The following TMEM120B variants were observed in gnomAD, a reference collection of about 807,000 sequenced individuals.
The protein encoded by TMEM120B is transmembrane protein 120B.
TMEM120B carries 31 observed loss-of-function variants against 55.5 expected under a neutral mutation model. The observed-to-expected ratio is 0.56, with a 90% confidence interval of 0.42 to 0.75. The LOEUF is 0.75. TMEM120B is among the 30% of genes least tolerant of loss of function. The pLI, the probability that TMEM120B is intolerant of heterozygous loss-of-function variation, is 0.00. For synonymous variants in TMEM120B, 203 were observed against 176.3 expected (o/e 1.15, Z -1.20); for missense variants, 399 against 425.5 (o/e 0.94, Z 0.55).
rs1373092483 is a variant in TMEM120B, at chr12:121,776,130, G to C, written c.*408G>C. The C allele has an allele frequency of 4.4e-6, 2 of 449,760 alleles. No homozygotes were observed. The highest frequency in any genetic ancestry group is 2.0e-5 in the African/African-American group (1 of 49,450). The allele number at this position is 449,760 out of a possible 1,614,324, so 27.9% of individuals were successfully genotyped here. On this transcript the variant is annotated 3_prime_UTR_variant, in exon 12 of 12. Transcript: ENST00000449592. ...ACCTGCTACTTACCAGGCCCAGGCTGGGGTGGTGTGAACCCTCAGTGTCCT... is the reference window on the plus strand; with the variant it reads ...ACCTGCTACTTACCAGGCCCAGGCTCGGGTGGTGTGAACCCTCAGTGTCCT...
intron 6 of TMEM120B, among the ~76,000 whole-genome samples, chr12:121,763,924 C>T (rs1221247579): frequency 4.6e-5 from 7 of 152,136 alleles, no homozygotes; most frequent in East Asian, 1.9e-4. Flanking sequence ...CTACACTGAA[C>T]GTAGAGCCTG....
At chr12:121,720,058 C>T (rs1466880983) in intron 1 of TMEM120B, among the ~76,000 whole-genome samples, 2 of 152,140 alleles carry the variant, frequency 1.3e-5, no homozygotes, top group Non-Finnish European at 2.9e-5. Context: ...GCTGCATGCA[C>T]CTCATCTCCT....
intron 5 of TMEM120B, among the ~76,000 whole-genome samples, chr12:121,757,526 T>TA (rs200205325): frequency 0.024 from 3,559 of 149,298 alleles, 148 homozygotes; most frequent in African/African-American, 0.079. Context: ...TATTATTTAT[T>TA]TTTTTTTTGA....
chr12:121,764,832 G>A (rs536534351), intron 6 of TMEM120B, among the ~76,000 whole-genome samples: 41 of 152,296 alleles, frequency 2.7e-4, no homozygotes, highest in African/African-American at 9.6e-4. Context: ...GCAAAACAGA[G>A]AGGGCTGCTA....
chr12:121,772,059 C>T (rs1344860899), intron 8 of TMEM120B, among the ~76,000 whole-genome samples: 1 of 150,204 alleles, frequency 6.7e-6, no homozygotes, highest in Non-Finnish European at 1.5e-5. Context: ...CTTTCTTTTT[C>T]TTCCTTTCTT....
At chr12:121,732,422 A>G (rs1182500354) in intron 1 of TMEM120B, among the ~76,000 whole-genome samples, 1 of 152,096 alleles carries the variant, frequency 6.6e-6, no homozygotes, top group African/African-American at 2.4e-5. Flanking sequence ...TACCCCTGAA[A>G]TGACTCTGGC....
intron 5 of TMEM120B, chr12:121,759,136 T>TTTAATCCCAGCTA: frequency 1.2e-6 from 1 of 837,540 alleles, no homozygotes; most frequent in Non-Finnish European, 1.4e-6. Context: ...TTTTTTTTTT[T>TTTAATCCCAGCTA]CTGAGGTGGA....
At chr12:121,717,614 C>A (rs1283389880) in intron 1 of TMEM120B, among the ~76,000 whole-genome samples, 1 of 152,112 alleles carries the variant, frequency 6.6e-6, no homozygotes, top group African/African-American at 2.4e-5. Context: ...CCTGAGTACT[C>A]CTGTTAGCTT....
At chr12:121,773,334 C>T (rs1874122357) in intron 8 of TMEM120B, 87 bp from the exon 9 acceptor site, 3 of 1,239,450 alleles carry the variant, frequency 2.4e-6, no homozygotes, top group South Asian at 1.3e-5. Context: ...AGTAAAGACC[C>T]ATCAGCCTGT....
chr12:121,781,138 A>C lies in TMEM120B; in HGVS notation c.*5416A>C. 6.2e-7 allele frequency: 1 copy of C among 1,614,214 alleles called. No homozygotes were observed. The highest frequency in any genetic ancestry group is 8.5e-7 in the Non-Finnish European group (1 of 1,180,032). ...ATTCATGACGTCATAGCAGATGAGC[A>C]CGAGGTGGGTGTTCTGGTAGGACAG... On this transcript the variant is annotated 3_prime_UTR_variant, in exon 12 of 12. Coordinates refer to ENST00000449592, the MANE Select transcript of TMEM120B (RefSeq NM_001080825.2).
At position 121,770,984 on chromosome 12, in the gene TMEM120B, C is replaced by T; in HGVS notation, c.617+12C>T. 6 of 1,613,238 alleles carry T rather than the reference C, an allele frequency of 3.7e-6. No homozygotes were observed. The highest frequency in any genetic ancestry group is 5.1e-6 in the Non-Finnish European group (6 of 1,179,638). ...GTGATGCTGACCTGGTGAGTAGCCC[C>T]TCGCTGGGCCCCTCCAGCCTCCCAG... On this transcript the variant is annotated intron_variant, in intron 7 of 11. Transcript: ENST00000449592.
At chr12:121,757,435 G>A (rs1242366336) in intron 5 of TMEM120B, among the ~76,000 whole-genome samples, 4 of 151,958 alleles carry the variant, frequency 2.6e-5, no homozygotes, top group African/African-American at 7.3e-5. Context: ...TCCGCCTCCC[G>A]GGTTCACACC....
At chr12:121,771,065 G>T in intron 7 of TMEM120B, 93 bp downstream of exon 7, 1 of 1,389,490 alleles carries the variant, frequency 7.2e-7, no homozygotes, top group Non-Finnish European at 1.0e-6. Flanking sequence ...CAGCGGTGGG[G>T]GGTGTGCTCC....
intron 1 of TMEM120B, among the ~76,000 whole-genome samples, chr12:121,731,408 T>A (rs1388098326): frequency 6.6e-6 from 1 of 152,180 alleles, no homozygotes; most frequent in Non-Finnish European, 1.5e-5. Flanking sequence ...GGTGCCACCA[T>A]GCCTGGCTAA....
intron 1 of TMEM120B, among the ~76,000 whole-genome samples, chr12:121,734,654 C>T (rs1397996475): frequency 6.6e-6 from 1 of 152,000 alleles, no homozygotes; most frequent in Non-Finnish European, 1.5e-5. Flanking sequence ...TGGCTCACAC[C>T]TGTAATCCCA....
At chr12:121,714,407 C>T (rs1225505213) in intron 1 of TMEM120B, among the ~76,000 whole-genome samples, 2 of 151,924 alleles carry the variant, frequency 1.3e-5, no homozygotes, top group African/African-American at 4.8e-5. Flanking sequence ...GGGTGTGCGC[C>T]ACCGTGCCCG....
chr12:121,720,359 T>G lies in TMEM120B; in HGVS notation c.69+7395T>G, dbSNP rs1257611982. Among the ~76,000 whole-genome samples, 6 of 152,262 alleles carry G rather than the reference T, an allele frequency of 3.9e-5. No homozygotes were observed. In the East Asian group the frequency reaches 1.2e-3, roughly 29 times the overall value. On this transcript the variant is annotated intron_variant, in intron 1 of 11. Transcript: ENST00000449592. Reference sequence around the variant, plus strand: ...GTGTTTCTATGGTGATGAGTCCTGGTTAAGTATAGTCAGCGTCTGAAAGTC... The same window carrying G: ...GTGTTTCTATGGTGATGAGTCCTGGGTAAGTATAGTCAGCGTCTGAAAGTC...
chr12:121,715,816 G>C (rs1380189304), intron 1 of TMEM120B, among the ~76,000 whole-genome samples: 4 of 151,962 alleles, frequency 2.6e-5, no homozygotes, highest in Non-Finnish European at 5.9e-5. Flanking sequence ...CACACAGCTA[G>C]TTAGTGGTAA....
rs768802960 is a variant in TMEM120B, at chr12:121,773,516, G to T, written c.772+3G>T. 3 of 1,583,776 alleles carry T rather than the reference G, an allele frequency of 1.9e-6. No homozygotes were observed. Among genetic ancestry groups the T allele is most frequent in the African/African-American group, 2.7e-5 (2 of 73,390 alleles). ...GAACCACCTGGATCTCACAGTGGGT[G>T]AGTAGCTGGGCCTGGGTTGGAGCCG... On this transcript the variant is annotated splice_donor_region_variant and intron_variant, in intron 9 of 11. Transcript: ENST00000449592.
Sources: gnomAD v4.1 joint callset for allele counts (sites outside exome capture counted in the v4.1 genomes callset) on GRCh38, gnomAD v4.1.1 for gene constraint, MANE v1.5 for transcripts, NCBI Gene and HGNC (gene_info 2026-07-23, HGNC 2026-07-21) for gene names.